PKIA: variants seen among roughly 807,000 people sequenced by gnomAD.
PKIA encodes PKI-alpha.
PKIA carries 4 observed loss-of-function variants against 7.6 expected under a neutral mutation model. The ratio of observed to expected loss-of-function variants is 0.52; its 90% CI spans 0.26 to 1.20. The LOEUF (loss-of-function observed/expected upper bound fraction) is 1.20, where lower values mean the gene tolerates loss of function less well. PKIA is among the 50% of genes most tolerant of loss of function. The probability of loss-of-function intolerance (pLI) is 0.13; values close to 1 mark genes in which losing one functional copy is unlikely to be tolerated. For synonymous variants in PKIA, 21 were observed against 30.7 expected (o/e 0.68, Z 1.04); for missense variants, 73 against 86.2 (o/e 0.85, Z 0.61).
Position 78,605,157 on chromosome 8 carries a change from C to T in PKIA, c.*3336C>T, listed in dbSNP as rs543421916. 3 of 151,936 alleles carry T rather than the reference C, an allele frequency of 2.0e-5. No individual in the cohort carries two copies. Among genetic ancestry groups the T allele is most frequent in the Non-Finnish European group, 2.9e-5 (2 of 67,954 alleles). The allele number at this position is 151,936 out of a possible 1,614,324, so 9.4% of individuals were successfully genotyped here. A position where few individuals can be genotyped will look rare whatever the true frequency, so the allele number is the denominator to read the frequency against. ...TAGACCCTAAATTGTTCTTTAATTA[C>T]AAGAGTGGCAGTCTCTGAAGTCATT... On this transcript the variant is annotated 3_prime_UTR_variant, in exon 4 of 4. Transcript: ENST00000396418.
At chr8:78,542,102 G>T (rs1260642444) in intron 1 of PKIA, among the ~76,000 whole-genome samples, 1 of 152,066 alleles carries the variant, frequency 6.6e-6, no homozygotes, top group Non-Finnish European at 1.5e-5. Flanking sequence ...GATAGAAGAT[G>T]CAGTGAGCCA....
intron 2 of PKIA, among the ~76,000 whole-genome samples, chr8:78,573,660 A>G (rs1484557257): frequency 1.3e-5 from 2 of 152,062 alleles, no homozygotes; most frequent in Non-Finnish European, 2.9e-5. Flanking sequence ...TTATTAATAT[A>G]TACATTTAGC....
At chr8:78,600,711 C>A (rs1161654513) in intron 3 of PKIA, among the ~76,000 whole-genome samples, 1 of 152,032 alleles carries the variant, frequency 6.6e-6, no homozygotes, top group African/African-American at 2.4e-5. Flanking sequence ...ACCCTTGGTA[C>A]TGCTTTAGAA....
At chr8:78,568,940 C>T (rs1478767145) in intron 1 of PKIA, among the ~76,000 whole-genome samples, 1 of 152,140 alleles carries the variant, frequency 6.6e-6, no homozygotes. Flanking sequence ...GTGGTTCCCC[C>T]ACCAGAGTTG....
At chr8:78,584,324 A>G (rs573908857) in intron 2 of PKIA, among the ~76,000 whole-genome samples, 6 of 152,254 alleles carry the variant, frequency 3.9e-5, no homozygotes, top group Admixed American at 1.3e-4. Context: ...TGATTTATAT[A>G]TGCAGTTGGG....
intron 1 of PKIA, among the ~76,000 whole-genome samples, chr8:78,562,693 C>G (rs1436308359): frequency 2.0e-5 from 3 of 152,130 alleles, no homozygotes; most frequent in East Asian, 3.9e-4. Context: ...AGAGACCAGC[C>G]TGCTCTGTGT....
chr8:78,559,220 CCCT>C (rs1460871214), intron 1 of PKIA, among the ~76,000 whole-genome samples: 1 of 152,178 alleles, frequency 6.6e-6, no homozygotes, highest in Admixed American at 6.5e-5. Flanking sequence ...CCGTGCCCAG[CCCT>C]TTATGGGTAT....
At chr8:78,587,407 T>G (rs1006595562) in intron 2 of PKIA, among the ~76,000 whole-genome samples, 14 of 152,316 alleles carry the variant, frequency 9.2e-5, no homozygotes, top group African/African-American at 3.4e-4. Flanking sequence ...GGTAAGACAT[T>G]GGTCAAGTCG....
intron 2 of PKIA, among the ~76,000 whole-genome samples, chr8:78,577,061 C>T (rs1261154624): frequency 2.6e-5 from 4 of 151,928 alleles, no homozygotes; most frequent in African/African-American, 9.7e-5. Context: ...GGCCATCATC[C>T]TTTGCAAACT....
intron 1 of PKIA, among the ~76,000 whole-genome samples, chr8:78,546,519 C>T (rs1440865697): frequency 6.6e-6 from 1 of 152,030 alleles, no homozygotes; most frequent in Non-Finnish European, 1.5e-5. Flanking sequence ...CTCTAGCATT[C>T]AATGTAACGT....
chr8:78,586,559 T>C (rs541455398), intron 2 of PKIA, among the ~76,000 whole-genome samples: 2 of 152,256 alleles, frequency 1.3e-5, no homozygotes, highest in African/African-American at 4.8e-5. Context: ...GAAGTGTTTG[T>C]AGAACAAATA....
chr8:78,524,089 CATTTATATTTAT>C (rs1809487766), intron 1 of PKIA, among the ~76,000 whole-genome samples: 3 of 114,280 alleles, frequency 2.6e-5, no homozygotes, highest in African/African-American at 1.2e-4. Context: ...TATAAATAAA[CATTTATATTTAT>C]ATATAAATAT....
chr8:78,534,232 A>G (rs898008281), intron 1 of PKIA: 5 of 152,128 alleles, frequency 3.3e-5, no homozygotes, highest in Non-Finnish European at 7.4e-5. Context: ...TTAGATTAAA[A>G]TGTTACAGTT....
At chr8:78,575,798 G>A (rs1363662613) in intron 2 of PKIA, among the ~76,000 whole-genome samples, 1 of 152,016 alleles carries the variant, frequency 6.6e-6, no homozygotes, top group Non-Finnish European at 1.5e-5. Context: ...AGCCAATCTA[G>A]TTAGTATAAA....
rs570062129 is a variant in PKIA, at chr8:78,527,017, A to G, written c.-157+10549A>G. Among the ~76,000 whole-genome samples, 8 of 152,176 alleles carry G rather than the reference A, an allele frequency of 5.3e-5. 1 individual carries two copies. In the East Asian group the frequency reaches 1.5e-3, roughly 29 times the overall value. On this transcript the variant is annotated intron_variant, in intron 1 of 3. Transcript: ENST00000396418. ...ACCTTATATTTAATATGTAAATCAC[A>G]TTTATTTACAGGGGAGAATTTTGTG...
At chr8:78,595,389 T>A (rs1006376744) in intron 2 of PKIA, among the ~76,000 whole-genome samples, 2 of 152,144 alleles carry the variant, frequency 1.3e-5, no homozygotes, top group African/African-American at 4.8e-5. Context: ...ATTTCCAGAT[T>A]CAGAATTTTA....
intron 2 of PKIA, among the ~76,000 whole-genome samples, chr8:78,591,006 G>C (rs1035675117): frequency 6.6e-6 from 1 of 152,190 alleles, no homozygotes. Flanking sequence ...GTGGAAAAAG[G>C]GGAATTTTCT....
Position 78,598,428 on chromosome 8 carries a change from G to C in PKIA, c.44G>C (p.Gly15Ala), listed in dbSNP as rs769817986. The C allele has an allele frequency of 6.2e-7, 1 of 1,611,546 alleles. No individual in the cohort carries two copies. Among genetic ancestry groups the C allele is most frequent in the South Asian group, 1.1e-5 (1 of 90,902 alleles). Residue 15 changes from glycine to alanine, a missense_variant, in exon 3 of 4, where the codon GGA becomes GCA. Gly to Ala is a moderately conservative substitution (Grantham distance 60). Transcript: ENST00000396418. ...ACATATGCAGATTTTATTGCTTCAG[G>C]AAGAACAGGTAGAAGAAATGCAATA... is the stretch of plus-strand genomic sequence containing the variant. ...ETTYADFIASGRTGRRNAIHD... is the reference protein window; with the variant it reads ...ETTYADFIASARTGRRNAIHD...
intron 2 of PKIA, among the ~76,000 whole-genome samples, chr8:78,591,521 T>C (rs1391583962): frequency 6.6e-6 from 1 of 152,158 alleles, no homozygotes; most frequent in Admixed American, 6.6e-5. Context: ...TGAGGCTGTA[T>C]TAAGAAAAGA....
Sources: gnomAD v4.1 joint callset for allele counts (sites outside exome capture counted in the v4.1 genomes callset) on GRCh38, gnomAD v4.1.1 for gene constraint, MANE v1.5 for transcripts, NCBI Gene and HGNC (gene_info 2026-07-23, HGNC 2026-07-21) for gene names.